The following RFX3 variants were observed in gnomAD, a reference collection of about 807,000 sequenced individuals.
The protein encoded by RFX3 is transcription factor RFX3.
Under a neutral mutation model 98.6 loss-of-function variants are expected in RFX3, and 14 were observed. The observed-to-expected ratio is 0.14, with a 90% CI of 0.09 to 0.22. The LOEUF is 0.22. RFX3 is among the 10% of genes least tolerant of loss of function. The pLI is 1.00. For missense variants in RFX3, 639 were observed against 926.9 expected, an observed-to-expected ratio of 0.69 and a Z score of 4.03; for synonymous variants, 383 against 328.4, an observed-to-expected ratio of 1.17 and a Z score of -1.80.
chr9:3,282,550 G>C (rs552732697), intron 7 of RFX3, among the ~76,000 whole-genome samples: 1 of 151,728 alleles, frequency 6.6e-6, no homozygotes, highest in Non-Finnish European at 1.5e-5. Context: ...AGAGAGCACC[G>C]ACAATGTGCT....
At chr9:3,412,021 G>A (rs1842505205) in intron 1 of RFX3, among the ~76,000 whole-genome samples, 1 of 152,066 alleles carries the variant, frequency 6.6e-6, no homozygotes. Context: ...TAAACATTAT[G>A]GGCATCAAAA....
chr9:3,493,700 AAT>A (rs1288255611), intron 1 of RFX3, among the ~76,000 whole-genome samples: 7,272 of 71,314 alleles, frequency 0.1, 362 homozygotes, highest in South Asian at 0.14. Flanking sequence ...AAAAAAAAAA[AAT>A]ATATATATAT....
intron 1 of RFX3, among the ~76,000 whole-genome samples, chr9:3,449,909 A>T (rs1846419843): frequency 6.6e-6 from 1 of 151,790 alleles, no homozygotes; most frequent in Admixed American, 6.6e-5. Context: ...AACCTAAGAC[A>T]CAGAAAATTA....
At chr9:3,260,807 G>C (rs1178116987) in intron 13 of RFX3, among the ~76,000 whole-genome samples, 1 of 150,508 alleles carries the variant, frequency 6.6e-6, no homozygotes, top group African/African-American at 2.4e-5. Context: ...TGTTTTTCTA[G>C]ATGGATAGAT....
chr9:3,240,676 A>T (rs1192646165), intron 15 of RFX3, among the ~76,000 whole-genome samples: 1 of 152,212 alleles, frequency 6.6e-6, no homozygotes, highest in Admixed American at 6.5e-5. Flanking sequence ...AGGATGGTAT[A>T]AAGAAAGAAA....
At chr9:3,502,239 C>G (rs1402292021) in intron 1 of RFX3, among the ~76,000 whole-genome samples, 1 of 150,076 alleles carries the variant, frequency 6.7e-6, no homozygotes, top group African/African-American at 2.5e-5. Context: ...GCCTGGGAGA[C>G]ACAGCAAGAC....
intron 3 of RFX3, among the ~76,000 whole-genome samples, chr9:3,335,440 G>T (rs1404816622): frequency 1.3e-5 from 2 of 151,992 alleles, no homozygotes; most frequent in Non-Finnish European, 2.9e-5. Flanking sequence ...TTCTTCATAT[G>T]AGTTACTGCT....
At chr9:3,352,594 G>A (rs552508314) in intron 2 of RFX3, among the ~76,000 whole-genome samples, 99 of 152,134 alleles carry the variant, frequency 6.5e-4, no homozygotes, top group Non-Finnish European at 2.2e-4. Flanking sequence ...CGTATTGAAA[G>A]ATTATAAGAC....
chr9:3,346,584 T>A, intron 3 of RFX3, 83 bp downstream of exon 3: 1 of 843,400 alleles, frequency 1.2e-6, no homozygotes, highest in Non-Finnish European at 2.1e-6. Flanking sequence ...AAGGAAACAA[T>A]CTGGGAATAG....
intron 5 of RFX3, among the ~76,000 whole-genome samples, chr9:3,294,864 T>C (rs1586919934): frequency 6.6e-6 from 1 of 152,144 alleles, no homozygotes; most frequent in Non-Finnish European, 1.5e-5. Context: ...CATATACGAA[T>C]GAATATGCAC....
At chr9:3,337,600 C>T (rs2986680) in intron 3 of RFX3, among the ~76,000 whole-genome samples, 36,208 of 151,932 alleles carry the variant, frequency 0.24, 5,387 homozygotes, top group African/African-American at 0.42. Context: ...AAGATCAGTA[C>T]CCAGGGGTAG....
chr9:3,507,417 T>C (rs766964500), intron 1 of RFX3, among the ~76,000 whole-genome samples: 1 of 151,978 alleles, frequency 6.6e-6, no homozygotes, highest in Non-Finnish European at 1.5e-5. Context: ...ATTTTGACTA[T>C]GTCATATACT....
chr9:3,446,426 G>A (rs886757480), intron 1 of RFX3, among the ~76,000 whole-genome samples: 2 of 152,030 alleles, frequency 1.3e-5, no homozygotes, highest in African/African-American at 2.4e-5. Flanking sequence ...TCTCAAGAAT[G>A]TAAAATGGTT....
At chr9:3,524,643 C>G in intron 1 of RFX3, 1 of 982,966 alleles carries the variant, frequency 1.0e-6, no homozygotes, top group Non-Finnish European at 1.2e-6. Flanking sequence ...TGTCCCTTCC[C>G]TGTTCATCAC....
intron 4 of RFX3, among the ~76,000 whole-genome samples, chr9:3,321,384 T>C (rs1215241043): frequency 6.6e-6 from 1 of 152,238 alleles, no homozygotes. Flanking sequence ...TGTGCCAATT[T>C]AGATTCCCAT....
chr9:3,272,300 T>C (rs1766562194), intron 9 of RFX3, among the ~76,000 whole-genome samples: 2 of 152,116 alleles, frequency 1.3e-5, no homozygotes, highest in Admixed American at 6.6e-5. Context: ...TCGTGGAAGA[T>C]AAAAGAAATC....
At chr9:3,424,451 T>C (rs1454910705) in intron 1 of RFX3, among the ~76,000 whole-genome samples, 49 of 127,648 alleles carry the variant, frequency 3.8e-4, no homozygotes, top group African/African-American at 1.3e-3. Context: ...AAGCTCCGCC[T>C]CCCGGGTTCA....
chr9:3,325,461 T>C (rs184096104), intron 4 of RFX3, among the ~76,000 whole-genome samples: 1 of 152,226 alleles, frequency 6.6e-6, no homozygotes, highest in East Asian at 1.9e-4. Context: ...AATTTCAAGA[T>C]ATTTTTCTTG....
intron 2 of RFX3, among the ~76,000 whole-genome samples, chr9:3,387,931 C>G (rs80169254): frequency 0.025 from 3,758 of 152,196 alleles, 162 homozygotes; most frequent in African/African-American, 0.087. Flanking sequence ...ATGGAGTGCA[C>G]TATCTTGGGC....
Sources: gnomAD v4.1 joint callset for allele counts (sites outside exome capture counted in the v4.1 genomes callset) on GRCh38, gnomAD v4.1.1 for gene constraint, MANE v1.5 for transcripts, NCBI Gene and HGNC (gene_info 2026-07-23, HGNC 2026-07-21) for gene names.